HSDL2: variants seen among roughly 807,000 people sequenced by gnomAD.
HSDL2 encodes hydroxysteroid dehydrogenase like 2, also known as hydroxysteroid dehydrogenase-like protein 2.
A neutral mutation model predicts 46.3 loss-of-function variants in HSDL2; 27 were observed. The observed-to-expected ratio is 0.58, with a 90% CI of 0.43 to 0.80. The LOEUF (loss-of-function observed/expected upper bound fraction) is 0.80. HSDL2 is among the 30% of genes least tolerant of loss of function. HSDL2 has a pLI of 0.00. For synonymous variants in HSDL2, 153 were observed against 163.6 expected (o/e 0.94, Z 0.50); for missense variants, 451 against 502.7 (o/e 0.90, Z 0.98).
At chr9:112,458,320 C>CTTTTTT (rs202071222) in intron 9 of HSDL2, among the ~76,000 whole-genome samples, 2 of 119,586 alleles carry the variant, frequency 1.7e-5, no homozygotes, top group Admixed American at 8.2e-5. Context: ...ACCACTTCTT[C>CTTTTTT]TTTTTTTTTT....
chr9:112,391,101 A>G (rs1251657764), intron 1 of HSDL2, among the ~76,000 whole-genome samples: 3 of 151,936 alleles, frequency 2.0e-5, no homozygotes, highest in African/African-American at 7.2e-5. Flanking sequence ...ACTTGAACCC[A>G]GGAGACAGAG....
intron 8 of HSDL2, among the ~76,000 whole-genome samples, chr9:112,449,019 C>T (rs1435093134): frequency 1.3e-5 from 2 of 151,000 alleles, no homozygotes; most frequent in African/African-American, 4.9e-5. Flanking sequence ...TTTGAGTTGA[C>T]ATGTAGTATT....
intron 8 of HSDL2, among the ~76,000 whole-genome samples, chr9:112,450,415 A>C (rs1832856537): frequency 6.6e-6 from 1 of 152,124 alleles, no homozygotes; most frequent in South Asian, 2.1e-4. Flanking sequence ...AGATCACCTG[A>C]GGTCGGGAGT....
intron 7 of HSDL2, among the ~76,000 whole-genome samples, chr9:112,439,186 TG>T (rs1398664325): frequency 6.6e-6 from 1 of 152,156 alleles, no homozygotes; most frequent in Non-Finnish European, 1.5e-5. Flanking sequence ...TTTGTAGATG[TG>T]GGGTTTCACC....
chr9:112,391,107 CAG>C (rs1831333687), intron 1 of HSDL2, among the ~76,000 whole-genome samples: 1 of 151,648 alleles, frequency 6.6e-6, no homozygotes, highest in Admixed American at 6.6e-5. Context: ...ACCCAGGAGA[CAG>C]AGGTTGCAGT....
chr9:112,428,477 C>T (rs1405111467), intron 6 of HSDL2, among the ~76,000 whole-genome samples: 1 of 152,168 alleles, frequency 6.6e-6, no homozygotes, highest in Non-Finnish European at 1.5e-5. Flanking sequence ...ATTTCTCAAA[C>T]TATATGTCAA....
intron 7 of HSDL2, 44 bp from the exon 8 acceptor site, chr9:112,441,655 T>C: frequency 8.0e-7 from 1 of 1,248,688 alleles, no homozygotes; most frequent in Non-Finnish European, 1.2e-6. Context: ...AATCTTACTA[T>C]GTTGTAGTTA....
At chr9:112,465,989 T>C (rs1412542378) in intron 10 of HSDL2, among the ~76,000 whole-genome samples, 2 of 152,238 alleles carry the variant, frequency 1.3e-5, no homozygotes, top group Non-Finnish European at 2.9e-5. Context: ...GCTGCATCAT[T>C]TACATTCCCA....
At chr9:112,426,713 G>A (rs1039086626) in intron 6 of HSDL2, among the ~76,000 whole-genome samples, 1 of 152,006 alleles carries the variant, frequency 6.6e-6, no homozygotes, top group African/African-American at 2.4e-5. Context: ...CCAGTCCCTC[G>A]AAAAAATAAA....
chr9:112,427,939 GTT>G (rs1832290664), intron 6 of HSDL2, among the ~76,000 whole-genome samples: 1 of 152,144 alleles, frequency 6.6e-6, no homozygotes, highest in Admixed American at 6.6e-5. Context: ...TAGAAGTTAG[GTT>G]TTAAAAGCAT....
intron 8 of HSDL2, among the ~76,000 whole-genome samples, chr9:112,443,081 A>G (rs565592816): frequency 3.0e-4 from 46 of 152,318 alleles, no homozygotes; most frequent in African/African-American, 1.1e-3. Context: ...AATGGTGGAA[A>G]ATACCTAGAG....
At chr9:112,418,711 A>G in intron 5 of HSDL2, 149 bp from the exon 6 acceptor site, 1 of 387,704 alleles carries the variant, frequency 2.6e-6, no homozygotes, top group Non-Finnish European at 4.7e-6. Context: ...GTATATACAC[A>G]CAGATATATA....
chr9:112,386,474 A>C (rs1229194147), intron 1 of HSDL2, among the ~76,000 whole-genome samples: 1 of 152,124 alleles, frequency 6.6e-6, no homozygotes, highest in Non-Finnish European at 1.5e-5. Flanking sequence ...GCTATATATA[A>C]AAGTCAACAA....
chr9:112,436,188 G>C (rs1344134833), intron 6 of HSDL2, among the ~76,000 whole-genome samples: 1 of 141,380 alleles, frequency 7.1e-6, no homozygotes, highest in Non-Finnish European at 1.5e-5. Flanking sequence ...AGGCTGCAGA[G>C]AGCCATGATC....
chr9:112,405,498 A>T, intron 2 of HSDL2, 126 bp from the exon 3 acceptor site: 2 of 613,096 alleles, frequency 3.3e-6, no homozygotes, highest in Non-Finnish European at 5.6e-6. Flanking sequence ...CACTGGTGGT[A>T]AGATAGAGTT....
At chr9:112,421,685 G>C (rs143849167) in intron 6 of HSDL2, among the ~76,000 whole-genome samples, 1 of 152,276 alleles carries the variant, frequency 6.6e-6, no homozygotes, top group African/African-American at 2.4e-5. Context: ...ACAGGCATGA[G>C]CCACTGCACC....
intron 4 of HSDL2, among the ~76,000 whole-genome samples, chr9:112,409,855 G>GA (rs568149270): frequency 5.5e-4 from 72 of 131,538 alleles, no homozygotes; most frequent in East Asian, 6.7e-4. Context: ...TGTCTCCAAA[G>GA]AAAAAAAAAA....
Position 112,416,785 on chromosome 9 carries a change from G to T in HSDL2, c.396-56G>T, listed in dbSNP as rs1006614160. ...AAGGCCCCCTCTCTTAAAAAAAAAA[G>T]TGGAGAAATTGTTAGAAAGCTATTA... On this transcript the variant is annotated intron_variant, in intron 4 of 10. Transcript: ENST00000398805. 65 of 833,654 alleles carry T rather than the reference G, an allele frequency of 7.8e-5. No individual in the cohort carries two copies. The African/African-American group carries it at 8.9e-4, about 11-fold the overall frequency. The allele number at this position is 833,654 out of a possible 1,614,324, so 51.6% of individuals were successfully genotyped here.
chr9:112,410,021 TAA>T (rs547383495), intron 4 of HSDL2, among the ~76,000 whole-genome samples: 73 of 144,502 alleles, frequency 5.1e-4, no homozygotes, highest in Admixed American at 8.3e-4. Flanking sequence ...GACCTGGCGT[TAA>T]AAAAAAAAAA....
Sources: allele counts gnomAD v4.1 joint callset (sites outside exome capture counted in the v4.1 genomes callset), GRCh38; gene constraint gnomAD v4.1.1; transcripts MANE v1.5; gene names NCBI Gene and HGNC (gene_info 2026-07-23, HGNC 2026-07-21).